Variants in PTPRD observed in about 807,000 individuals in gnomAD.
PTPRD encodes the protein protein tyrosine phosphatase receptor type D.
In PTPRD, 34 loss-of-function variants were observed where a neutral mutation model predicts 214.5. The observed-to-expected ratio is 0.16, with a 90% CI of 0.12 to 0.21. PTPRD has a LOEUF of 0.21. Ranked by LOEUF, PTPRD falls within the 10% of genes least tolerant of loss-of-function variation. The pLI is 1.00. For missense variants in PTPRD, 2,545 were observed against 2,398.7 expected (o/e 1.06, Z -1.27); for synonymous variants, 1,128 against 845.7 (o/e 1.33, Z -5.79).
intron 11 of PTPRD, among the ~76,000 whole-genome samples, chr9:8,790,187 T>C (rs972992946): frequency 2.0e-5 from 3 of 151,932 alleles, no homozygotes; most frequent in Non-Finnish European, 4.4e-5. Context: ...TAATATTTTT[T>C]TTATTTTTTG....
In PTPRD at chr9:8,551,926, C is replaced by G. The variant is rs551486332; in HGVS notation, c.353-23147G>C. 2.0e-5 allele frequency among the ~76,000 whole-genome samples: 3 copies of G among 152,260 alleles called. No individual in the cohort carries two copies. The East Asian group carries it at 5.8e-4, about 29-fold the overall frequency. On this transcript the variant is annotated intron_variant, in intron 14 of 45. Transcript: ENST00000381196. ...AGAATGGACCATGTGTTGAACTAAG[C>G]AAATAAGTGTAGATAAAATAATCTA...
intron 8 of PTPRD, among the ~76,000 whole-genome samples, chr9:9,491,251 A>C (rs1292990442): frequency 1.3e-5 from 2 of 151,990 alleles, no homozygotes; most frequent in African/African-American, 4.8e-5. Context: ...ACTAATATAT[A>C]GCAATGAAAC....
chr9:8,404,353 T>C (rs1295531495), intron 36 of PTPRD, among the ~76,000 whole-genome samples, 184 bp downstream of exon 36: 1 of 152,166 alleles, frequency 6.6e-6, no homozygotes, highest in Non-Finnish European at 1.5e-5. Flanking sequence ...GGTCTCGAAC[T>C]CCTGACCTCA....
chr9:9,349,860 C>T (rs1372179017), intron 9 of PTPRD, among the ~76,000 whole-genome samples: 1 of 151,930 alleles, frequency 6.6e-6, no homozygotes, highest in Non-Finnish European at 1.5e-5. Flanking sequence ...TTATCCAGAA[C>T]CCTAGTCCAT....
intron 3 of PTPRD, among the ~76,000 whole-genome samples, chr9:10,095,452 A>G (rs938715728): frequency 6.6e-6 from 1 of 151,536 alleles, no homozygotes; most frequent in Non-Finnish European, 1.5e-5. Context: ...AACATTACAG[A>G]AAATAGATCA....
chr9:8,870,830 C>T lies in PTPRD; in HGVS notation c.-103-136884G>A, dbSNP rs536435995. On this transcript the variant is annotated intron_variant, in intron 11 of 45. Transcript: ENST00000381196. The stretch of plus-strand genomic sequence containing the variant: ...CTCAGATCACCTGACCTAAATGGCC[C>T]CTCTGGCTCTCTCAGAACTTTACCC... Among the ~76,000 whole-genome samples the T allele has an allele frequency of 9.2e-5, 14 of 152,186 alleles. No homozygotes were observed. The South Asian group carries it at 2.9e-3, about 32-fold the overall frequency.
intron 8 of PTPRD, among the ~76,000 whole-genome samples, chr9:9,560,502 C>T (rs1420927498): frequency 6.6e-6 from 1 of 152,208 alleles, no homozygotes; most frequent in Non-Finnish European, 1.5e-5. Context: ...GGAATCTGTC[C>T]ACTGCCTCCC....
intron 9 of PTPRD, among the ~76,000 whole-genome samples, chr9:9,232,363 T>C (rs1308990984): frequency 6.6e-6 from 1 of 152,186 alleles, no homozygotes; most frequent in African/African-American, 2.4e-5. Flanking sequence ...CTGTTGTTGC[T>C]ATGCACCATC....
chr9:8,438,144 G>A (rs2095422455), intron 34 of PTPRD, among the ~76,000 whole-genome samples: 2 of 152,304 alleles, frequency 1.3e-5, no homozygotes, highest in East Asian at 1.9e-4. Flanking sequence ...GATGGCCATT[G>A]AGTCAACATG....
chr9:8,449,638 A>C (rs2095859984), intron 34 of PTPRD, 87 bp downstream of exon 34: 1 of 1,194,522 alleles, frequency 8.4e-7, no homozygotes, highest in Admixed American at 2.1e-5. Context: ...GCTCAAAATA[A>C]AGTGATACCT....
intron 11 of PTPRD, among the ~76,000 whole-genome samples, chr9:8,804,345 C>T (rs1436722513): frequency 6.6e-6 from 1 of 151,998 alleles, no homozygotes. Context: ...CACTTGCAAT[C>T]CCAGCATTTT....
intron 3 of PTPRD, among the ~76,000 whole-genome samples, chr9:10,326,386 T>C (rs1038123106): frequency 2.0e-5 from 3 of 151,776 alleles, no homozygotes; most frequent in East Asian, 1.9e-4. Flanking sequence ...CATTGATTTA[T>C]TAACTAAACA....
At chr9:9,785,711 A>G (rs1457394278) in intron 5 of PTPRD, among the ~76,000 whole-genome samples, 1 of 152,128 alleles carries the variant, frequency 6.6e-6, no homozygotes, top group Non-Finnish European at 1.5e-5. Context: ...AAAACTAGTA[A>G]AATTCCAATA....
chr9:10,483,530 G>C (rs1395095600), intron 2 of PTPRD, among the ~76,000 whole-genome samples: 1 of 151,932 alleles, frequency 6.6e-6, no homozygotes, highest in African/African-American at 2.4e-5. Flanking sequence ...CTCTGCACCT[G>C]ACAAAAGACT....
chr9:8,432,974 T>G (rs542808923), intron 35 of PTPRD, among the ~76,000 whole-genome samples: 1 of 152,238 alleles, frequency 6.6e-6, no homozygotes, highest in African/African-American at 2.4e-5. Context: ...AATGGCTAAA[T>G]GAGGATCATT....
intron 2 of PTPRD, among the ~76,000 whole-genome samples, chr9:10,359,399 TTTAAG>T (rs1242059668): frequency 6.6e-6 from 1 of 152,072 alleles, no homozygotes; most frequent in Non-Finnish European, 1.5e-5. Context: ...TTATTACATC[TTTAAG>T]TTGTTTCTTC....
chr9:9,680,731 C>T (rs1173095427), intron 7 of PTPRD, among the ~76,000 whole-genome samples: 3 of 151,510 alleles, frequency 2.0e-5, no homozygotes, highest in East Asian at 1.9e-4. Flanking sequence ...AGGGATGCAA[C>T]TTCATAACTA....
At chr9:9,136,594 CA>C (rs2099851271) in intron 10 of PTPRD, among the ~76,000 whole-genome samples, 1 of 152,030 alleles carries the variant, frequency 6.6e-6, no homozygotes, top group South Asian at 2.1e-4. Flanking sequence ...CTTAATTTTA[CA>C]AAAATTAATT....
chr9:10,438,954 C>G (rs2098740612), intron 2 of PTPRD, among the ~76,000 whole-genome samples: 1 of 151,712 alleles, frequency 6.6e-6, no homozygotes, highest in Non-Finnish European at 1.5e-5. Context: ...AGTCATATCT[C>G]TGTGTATCCA....
Sources: gnomAD v4.1 joint callset for allele counts (sites outside exome capture counted in the v4.1 genomes callset) on GRCh38, gnomAD v4.1.1 for gene constraint, MANE v1.5 for transcripts, NCBI Gene and HGNC (gene_info 2026-07-23, HGNC 2026-07-21) for gene names.